The following KLHL42 variants were observed in gnomAD, a reference collection of about 807,000 sequenced individuals.
KLHL42 encodes kelch like family member 42.
KLHL42 carries 27 observed loss-of-function variants against 32.7 expected under a neutral mutation model. That is an observed-to-expected ratio of 0.83 (90% CI 0.61 to 1.14). KLHL42 has a LOEUF of 1.14. Among genes scored for constraint, KLHL42 ranks in the 50% most tolerant of loss-of-function variants. KLHL42 has a pLI of 0.00. For synonymous variants in KLHL42, 267 were observed against 248.2 expected (o/e 1.08, Z -0.71); for missense variants, 491 against 560.8 (o/e 0.88, Z 1.26).
At chr12:27,782,261 GATT>G (rs2062152734) in intron 1 of KLHL42, among the ~76,000 whole-genome samples, 1 of 152,150 alleles carries the variant, frequency 6.6e-6, no homozygotes, top group African/African-American at 2.4e-5. Flanking sequence ...CTCGGCCAGG[GATT>G]ATTTGGGGGA....
Position 27,780,736 on chromosome 12 carries a change from C to T in KLHL42, c.406C>T (p.Leu136=), listed in dbSNP as rs753435905. The change falls in exon 1 of 3, where the codon CTG becomes TTG. Residue 136 remains leucine, a synonymous_variant. Coordinates refer to ENST00000381271, the MANE Select transcript of KLHL42 (RefSeq NM_020782.2). The surrounding 1 kb of genome is among the most constrained non-coding windows in gnomAD (Gnocchi z 8.8). ...RLNNCLEMYR[L]AQVYGLPDLQ... ...CAATAACTGCCTGGAGATGTACCGC[C>T]TGGCGCAGGTGTACGGGCTGCCCGA... 2 of 1,613,374 alleles carry T rather than the reference C, an allele frequency of 1.2e-6. No individual in the cohort carries two copies. Among genetic ancestry groups the T allele is most frequent in the Non-Finnish European group, 1.7e-6 (2 of 1,179,994 alleles).
Position 27,802,618 on chromosome 12 carries a change from T to C in KLHL42, c.*4452T>C, listed in dbSNP as rs767491509. 35 of 152,630 alleles carry C rather than the reference T, an allele frequency of 2.3e-4. 1 individual carries two copies. The highest frequency in any genetic ancestry group is 3.9e-4 in the Admixed American group (6 of 15,284). The allele number at this position is 152,630 out of a possible 1,614,324, so 9.5% of individuals were successfully genotyped here. Reference sequence around the variant, plus strand: ...AGGAAGCATTAAATATAAAAGATGGTCAGTTTTGAAGAGCAAAGGGTGCTG... The same window carrying C: ...AGGAAGCATTAAATATAAAAGATGGCCAGTTTTGAAGAGCAAAGGGTGCTG... On this transcript the variant is annotated 3_prime_UTR_variant, in exon 3 of 3. Coordinates refer to ENST00000381271, the MANE Select transcript of KLHL42 (RefSeq NM_020782.2).
In KLHL42 at chr12:27,798,360, A is replaced by G. The variant is rs1204983179; in HGVS notation, c.*194A>G. 1.9e-6 allele frequency: 1 copy of G among 538,908 alleles called. No homozygotes were observed. Among genetic ancestry groups the G allele is most frequent in the Non-Finnish European group, 3.3e-6 (1 of 306,406 alleles). The allele number at this position is 538,908 out of a possible 1,614,324, so 33.4% of individuals were successfully genotyped here. On this transcript the variant is annotated 3_prime_UTR_variant, in exon 3 of 3. Transcript: ENST00000381271. The stretch of plus-strand genomic sequence containing the variant: ...GTGGAAAAAAGAGACCAACTTTGTT[A>G]TTTTTTAAATTATTGATTTTTAAAT...
intron 1 of KLHL42, among the ~76,000 whole-genome samples, chr12:27,787,272 A>G (rs1591814709): frequency 6.6e-6 from 1 of 151,830 alleles, no homozygotes; most frequent in Non-Finnish European, 1.5e-5. Flanking sequence ...AGGCAGGCGG[A>G]TCACCTGAGG....
chr12:27,796,382 C>T lies in KLHL42; in HGVS notation c.1067-1333C>T, dbSNP rs372604329. ...CCGTCAAAATGCTGTAGGCTTTAGT[C>T]GTCTGCCAGTTCCCAAGCTGAGCTG... On this transcript the variant is annotated intron_variant, in intron 2 of 2. Coordinates refer to ENST00000381271, the MANE Select transcript of KLHL42 (RefSeq NM_020782.2). Among the ~76,000 whole-genome samples the T allele has an allele frequency of 7.4e-4, 113 of 151,752 alleles. 1 individual carries two copies. Among genetic ancestry groups the T allele is most frequent in the Middle Eastern group, 6.8e-3 (2 of 294 alleles).
In KLHL42 at chr12:27,780,747, G is replaced by C. The variant is rs759885542; in HGVS notation, c.417G>C (p.Val139=). ...NCLEMYRLAQ[V]YGLPDLQEAC... ...TGGAGATGTACCGCCTGGCGCAGGT[G>C]TACGGGCTGCCCGACCTGCAGGAGG... is the stretch of plus-strand genomic sequence containing the variant. The change falls in exon 1 of 3, where the codon GTG becomes GTC. Residue 139 remains valine, a synonymous_variant. Transcript: ENST00000381271. This position sits in a 1 kb window ranked among gnomAD's most constrained non-coding sequence, Gnocchi z 8.8. 6 of 1,613,432 alleles carry C rather than the reference G, an allele frequency of 3.7e-6. No homozygotes were observed. The highest frequency in any genetic ancestry group is 5.1e-6 in the Non-Finnish European group (6 of 1,180,026).
At chr12:27,788,158 A>C (rs941496881) in intron 1 of KLHL42, 3 of 152,212 alleles carry the variant, frequency 2.0e-5, no homozygotes, top group Non-Finnish European at 4.4e-5. Flanking sequence ...AGTGGTTGAG[A>C]AAGGACTTTT....
rs1021915340 is a variant in KLHL42 at position 27,783,710 on chromosome 12, G to T, written c.872+2508G>T. The stretch of plus-strand genomic sequence containing the variant: ...CATTCTCCTGCCTCAGCCTCCCGAG[G>T]AGCTGGGACTACAGGCGCCCGCTAC... On this transcript the variant is annotated intron_variant, in intron 1 of 2. Coordinates refer to ENST00000381271, the MANE Select transcript of KLHL42 (RefSeq NM_020782.2). Among the ~76,000 whole-genome samples, 11 of 151,926 alleles carry T rather than the reference G, an allele frequency of 7.2e-5. No individual in the cohort carries two copies. The South Asian group carries it at 1.9e-3, about 26-fold the overall frequency.
At chr12:27,781,967 CAA>C (rs1393142828) in intron 1 of KLHL42, among the ~76,000 whole-genome samples, 1 of 152,038 alleles carries the variant, frequency 6.6e-6, no homozygotes, top group African/African-American at 2.4e-5. Flanking sequence ...GAAGGAATAT[CAA>C]AACAAGAGCA....
chr12:27,780,415 T>C lies in KLHL42; in HGVS notation c.85T>C (p.Tyr29His). Residue 29 changes from tyrosine to histidine, a missense_variant, in exon 1 of 3, where the codon TAC (tyrosine) becomes CAC (histidine). Tyr to His is a moderately conservative substitution (Grantham distance 83). Around this residue, in one of 4 missense-constraint regions of KLHL42, gnomAD observed 88 missense variants for 89.0 expected, o/e 0.99. Transcript: ENST00000381271. The surrounding 1 kb of genome is among the most constrained non-coding windows in gnomAD (Gnocchi z 8.8). ...SKRKLIEQSD[Y>H]FRALYRSGMR... ...GAGGAAGCTCATCGAGCAGAGCGAC[T>C]ACTTCCGCGCCCTCTACCGCTCCGG... 2 of 1,559,956 alleles carry C rather than the reference T, an allele frequency of 1.3e-6. No homozygotes were observed. Among genetic ancestry groups the C allele is most frequent in the Non-Finnish European group, 1.7e-6 (2 of 1,154,418 alleles).
Position 27,799,039 on chromosome 12 carries a change from GTTAC to G in KLHL42, c.*876_*879del, listed in dbSNP as rs2062232370. On this transcript the variant is annotated 3_prime_UTR_variant, in exon 3 of 3. Transcript: ENST00000381271. ...ATAAGAAAAAAATTTGCCTTTAAGA[GTTAC>G]TTTTGTTGAATGTATTTGACTTAGT... The G allele has an allele frequency of 6.6e-6, 1 of 152,614 alleles. No homozygotes were observed. The highest frequency in any genetic ancestry group is 1.5e-5 in the Non-Finnish European group (1 of 68,038). 9.5% of individuals were successfully genotyped at this position (152,614 alleles called of 1,614,324 possible).
rs548875084 is a variant in KLHL42 at position 27,791,938 on chromosome 12, G to A, written c.1066+37G>A. Reference sequence around the variant, plus strand: ...GACCAGGTAGGTGGTCTGCCCATGTGTAGGCGTCAGCAGTCTGGGAAGGGC... The same window carrying A: ...GACCAGGTAGGTGGTCTGCCCATGTATAGGCGTCAGCAGTCTGGGAAGGGC... On this transcript the variant is annotated intron_variant, in intron 2 of 2. Coordinates refer to ENST00000381271, the MANE Select transcript of KLHL42 (RefSeq NM_020782.2). 1.1e-5 allele frequency: 17 copies of A among 1,587,474 alleles called. No individual in the cohort carries two copies. In the African/African-American group the frequency reaches 2.0e-4, roughly 19 times the overall value.
At chr12:27,792,531 A>G (rs1189457610) in intron 2 of KLHL42, among the ~76,000 whole-genome samples, 1 of 151,924 alleles carries the variant, frequency 6.6e-6, no homozygotes, top group Non-Finnish European at 1.5e-5. Context: ...TTATTTATTT[A>G]TTTATTTTTT....
chr12:27,780,405 G>T lies in KLHL42; in HGVS notation c.75G>T (p.Glu25Asp), dbSNP rs865849595. ...CGGTGAGCAAGAGGAAGCTCATCGA[G>T]CAGAGCGACTACTTCCGCGCCCTCT... ...CYPVSKRKLI[E>D]QSDYFRALYR... The change falls in exon 1 of 3, where the codon GAG becomes GAT. Residue 25 changes from glutamate (E) to aspartate (D), a missense_variant. Glu to Asp is a conservative substitution (Grantham distance 45). Coordinates refer to ENST00000381271, the MANE Select transcript of KLHL42 (RefSeq NM_020782.2). The surrounding 1 kb of genome is among the most constrained non-coding windows in gnomAD (Gnocchi z 8.8). 1 of 1,568,696 alleles carries T rather than the reference G, an allele frequency of 6.4e-7. No homozygotes were observed. The highest frequency in any genetic ancestry group is 1.4e-5 in the African/African-American group (1 of 72,874).
intron 1 of KLHL42, 142 bp downstream of exon 1, chr12:27,781,344 G>A: frequency 9.5e-7 from 1 of 1,055,232 alleles, no homozygotes; most frequent in Non-Finnish European, 1.3e-6. Context: ...GTTGGCCTTG[G>A]CGCTGGCAAA....
chr12:27,787,425 G>T (rs2062177311), intron 1 of KLHL42, among the ~76,000 whole-genome samples: 1 of 151,344 alleles, frequency 6.6e-6, no homozygotes, highest in East Asian at 1.9e-4. Flanking sequence ...AAACCGGGAT[G>T]GGGAGGTTGC....
intron 1 of KLHL42, among the ~76,000 whole-genome samples, chr12:27,783,908 C>T (rs999326639): frequency 1.3e-5 from 2 of 152,018 alleles, no homozygotes; most frequent in Admixed American, 6.6e-5. Flanking sequence ...TTAATGGCTG[C>T]GTGGCATTCC....
chr12:27,791,996 G>C, intron 2 of KLHL42, 95 bp downstream of exon 2: 2 of 991,444 alleles, frequency 2.0e-6, no homozygotes, highest in Non-Finnish European at 3.1e-6. Context: ...CGACATATCC[G>C]AGTGTCATGT....
intron 1 of KLHL42, among the ~76,000 whole-genome samples, chr12:27,789,007 G>A (rs1480770342): frequency 1.3e-5 from 2 of 152,158 alleles, no homozygotes; most frequent in East Asian, 3.8e-4. Context: ...TCAGAAAGTT[G>A]GAAATGAAGC....
Sources: allele counts gnomAD v4.1 joint callset (sites outside exome capture counted in the v4.1 genomes callset), GRCh38; gene constraint gnomAD v4.1.1; regional missense constraint gnomAD v4.1.1; non-coding constraint Gnocchi (gnomAD v3.1); transcripts MANE v1.5; gene names NCBI Gene and HGNC (gene_info 2026-07-23, HGNC 2026-07-21).